The following CNOT2 variants were observed in gnomAD, a reference collection of about 807,000 sequenced individuals.
The protein encoded by CNOT2 is CCR4-NOT transcription complex subunit 2, also known as CC chemokine receptor 4-negative regulator of transcription 2.
A neutral mutation model predicts 72.1 loss-of-function variants in CNOT2; 7 were observed. The observed-to-expected ratio is 0.10, with a 90% CI of 0.06 to 0.18. The LOEUF is 0.18. Among genes scored for constraint, CNOT2 ranks in the 10% least tolerant of loss-of-function variants. CNOT2 has a pLI of 1.00. For synonymous variants in CNOT2, 196 were observed against 225.6 expected (o/e 0.87, Z 1.17); for missense variants, 345 against 660.3 (o/e 0.52, Z 5.23).
intron 2 of CNOT2, 144 bp downstream of exon 2, chr12:70,278,418 G>T (rs1593104235): frequency 3.8e-6 from 2 of 528,442 alleles, no homozygotes; most frequent in East Asian, 6.1e-5. Flanking sequence ...TTAAGTACTG[G>T]ATTTGATAGT....
intron 2 of CNOT2, among the ~76,000 whole-genome samples, chr12:70,295,686 C>T (rs977963953): frequency 3.9e-5 from 6 of 152,128 alleles, no homozygotes; most frequent in African/African-American, 1.4e-4. Context: ...GAGTTCTCAA[C>T]TCCAACTTCT....
At chr12:70,301,187 C>T (rs1206409924) in intron 2 of CNOT2, among the ~76,000 whole-genome samples, 4 of 152,196 alleles carry the variant, frequency 2.6e-5, no homozygotes, top group South Asian at 4.1e-4. Context: ...TTGACTTCCT[C>T]TTTTCCTAAT....
At chr12:70,253,090 CATAA>C (rs2135707893) in intron 1 of CNOT2, among the ~76,000 whole-genome samples, 1 of 152,246 alleles carries the variant, frequency 6.6e-6, no homozygotes, top group Non-Finnish European at 1.5e-5. Flanking sequence ...TTTTGAGTAA[CATAA>C]ATAAATCGTC....
chr12:70,332,927 T>A (rs936027410), intron 7 of CNOT2, 81 bp downstream of exon 7: 2 of 1,412,250 alleles, frequency 1.4e-6, no homozygotes, highest in African/African-American at 3.0e-5. Context: ...TACTGGTCTT[T>A]AAATACGGTA....
chr12:70,243,883 CTTCCTGGGGGAG>C (rs1565714985), intron 1 of CNOT2: 1 of 152,256 alleles, frequency 6.6e-6, no homozygotes, highest in African/African-American at 2.4e-5. Context: ...CGCCGCGCTG[CTTCCTGGGGGAG>C]AAGAGAAGGC....
At chr12:70,321,359 G>A (rs1474596489) in intron 4 of CNOT2, among the ~76,000 whole-genome samples, 1 of 151,808 alleles carries the variant, frequency 6.6e-6, no homozygotes, top group Non-Finnish European at 1.5e-5. Context: ...GACCCGAGAA[G>A]GCCAAATAGG....
intron 2 of CNOT2, among the ~76,000 whole-genome samples, chr12:70,281,149 T>C (rs1869768627): frequency 6.6e-6 from 1 of 151,036 alleles, no homozygotes; most frequent in Non-Finnish European, 1.5e-5. Flanking sequence ...TGGAGTGCAG[T>C]GGTGCGCTCA....
chr12:70,271,215 A>G (rs1331525033), intron 1 of CNOT2, among the ~76,000 whole-genome samples: 1 of 152,036 alleles, frequency 6.6e-6, no homozygotes, highest in Non-Finnish European at 1.5e-5. Flanking sequence ...AACAACACCT[A>G]TTGGGGAAAG....
intron 8 of CNOT2, chr12:70,336,735 T>G (rs1880757503): frequency 6.6e-6 from 1 of 152,082 alleles, no homozygotes; most frequent in African/African-American, 2.4e-5. Context: ...ATAGGTCCAT[T>G]TTTTCATCCC....
At chr12:70,266,093 G>C (rs182712581) in intron 1 of CNOT2, among the ~76,000 whole-genome samples, 1 of 150,542 alleles carries the variant, frequency 6.6e-6, no homozygotes, top group Admixed American at 6.6e-5. Context: ...TACTGTCGTT[G>C]ATGTTGTATT....
Position 70,342,139 on chromosome 12 carries a change from C to A in CNOT2, c.1211C>A (p.Ala404Glu). Residue 404 changes from alanine (A) to glutamate (E), a missense_variant, in exon 12 of 16, where the codon GCA becomes GAA. Transcript: ENST00000229195. ...NLYPKFASPW[A>E]SSPCRPQDID... ...TACCCCAAATTTGCGTCACCCTGGG[C>A]ATCTTCACCTTGTCGACCTCAAGAC... 6.2e-7 allele frequency: 1 copy of A among 1,610,342 alleles called. No individual in the cohort carries two copies. The highest frequency in any genetic ancestry group is 1.1e-5 in the South Asian group (1 of 90,970).
At chr12:70,352,158 AAAT>A (rs1882948854) in intron 15 of CNOT2, among the ~76,000 whole-genome samples, 1 of 152,024 alleles carries the variant, frequency 6.6e-6, no homozygotes, top group Non-Finnish European at 1.5e-5. Context: ...AAAATATTAA[AAAT>A]AATGTGTTAC....
intron 3 of CNOT2, among the ~76,000 whole-genome samples, chr12:70,317,484 C>T (rs1565805765): frequency 6.6e-6 from 1 of 151,734 alleles, no homozygotes; most frequent in Non-Finnish European, 1.5e-5. Context: ...ACTTATCAGG[C>T]ATCTTTTGAT....
intron 1 of CNOT2, among the ~76,000 whole-genome samples, chr12:70,275,930 T>C (rs1593097408): frequency 6.6e-6 from 1 of 152,048 alleles, no homozygotes; most frequent in African/African-American, 2.4e-5. Context: ...TGGAAGAAAA[T>C]ACAGTGTCTT....
At chr12:70,251,621 A>G (rs961425924) in intron 1 of CNOT2, among the ~76,000 whole-genome samples, 2 of 152,220 alleles carry the variant, frequency 1.3e-5, no homozygotes, top group Admixed American at 6.5e-5. Context: ...TCGATTTACA[A>G]TTAAAATTAT....
At chr12:70,328,670 TTTTG>T (rs555939473) in intron 4 of CNOT2, among the ~76,000 whole-genome samples, 32 of 151,802 alleles carry the variant, frequency 2.1e-4, no homozygotes, top group Admixed American at 5.3e-4. Context: ...TCCACAGTGG[TTTTG>T]TTTGTTTGTT....
intron 2 of CNOT2, among the ~76,000 whole-genome samples, chr12:70,290,100 A>G (rs1300748408): frequency 4.0e-5 from 6 of 151,732 alleles, no homozygotes; most frequent in Admixed American, 6.6e-5. Flanking sequence ...TTTTCTTCCA[A>G]CTACTTAAGC....
chr12:70,264,301 A>G (rs1017902198), intron 1 of CNOT2, among the ~76,000 whole-genome samples: 1 of 152,070 alleles, frequency 6.6e-6, no homozygotes, highest in African/African-American at 2.4e-5. Context: ...GCTTCCTTTT[A>G]GTTGCTTACT....
At position 70,317,204 on chromosome 12, in the gene CNOT2, G is replaced by A. The variant is rs1371766320; in HGVS notation, c.172-2094G>A. Among the ~76,000 whole-genome samples, 6 of 151,960 alleles carry A rather than the reference G, an allele frequency of 3.9e-5. No homozygotes were observed. The East Asian group carries it at 7.7e-4, about 19-fold the overall frequency. On this transcript the variant is annotated intron_variant, in intron 3 of 15. Transcript: ENST00000229195. The stretch of plus-strand genomic sequence containing the variant: ...TCAAGCATTATTTGGGATAAAGAAG[G>A]CCACTACATAATCATAAAAGAAAAC...
Sources: allele counts gnomAD v4.1 joint callset (sites outside exome capture counted in the v4.1 genomes callset), GRCh38; gene constraint gnomAD v4.1.1; transcripts MANE v1.5; gene names NCBI Gene and HGNC (gene_info 2026-07-23, HGNC 2026-07-21).